Variants in DACH2 observed in about 807,000 individuals in gnomAD.
DACH2 encodes the protein dachshund homolog 2.
DACH2 carries 17 observed loss-of-function variants against 35.8 expected under a neutral mutation model. The ratio of observed to expected loss-of-function variants is 0.48; its 90% CI spans 0.33 to 0.71. DACH2 has a LOEUF of 0.71. Among genes scored for constraint, DACH2 ranks in the 30% least tolerant of loss-of-function variants. The pLI is 0.02. For missense variants in DACH2, 469 were observed against 472.7 expected, an observed-to-expected ratio of 0.99 and a Z score of 0.07; for synonymous variants, 195 against 177.3, an observed-to-expected ratio of 1.10 and a Z score of -0.79.
intron 2 of DACH2, among the ~76,000 whole-genome samples, chrX:86,418,789 A>G (rs1344829196): frequency 9.0e-6 from 1 of 111,726 alleles, no homozygotes; most frequent in African/African-American, 3.3e-5. Flanking sequence ...CTCCTTAAAA[A>G]TTAGGGTTTT....
chrX:86,295,408 C>T (rs4828140), intron 1 of DACH2, among the ~76,000 whole-genome samples: 2 of 110,754 alleles, frequency 1.8e-5, no homozygotes, highest in South Asian at 3.9e-4. Flanking sequence ...AGCTGTAGAC[C>T]GCAGCTGTTC....
chrX:86,607,028 G>T, intron 3 of DACH2, among the ~76,000 whole-genome samples: 1 of 111,348 alleles, frequency 9.0e-6, no homozygotes, highest in Non-Finnish European at 1.9e-5. Context: ...TGCTTTTTAT[G>T]GTTTCCATTA....
intron 3 of DACH2, among the ~76,000 whole-genome samples, chrX:86,583,286 G>A (rs2039525349): frequency 9.1e-6 from 1 of 110,356 alleles, no homozygotes; most frequent in Non-Finnish European, 1.9e-5. Flanking sequence ...GAAGCATTTC[G>A]TTTGAGAACT....
chrX:86,635,716 A>G (rs567092598), intron 3 of DACH2, among the ~76,000 whole-genome samples: 45 of 111,684 alleles, frequency 4.0e-4, no homozygotes, highest in African/African-American at 1.3e-3. Flanking sequence ...AAAAATTACT[A>G]ACATTCCTAT....
intron 6 of DACH2, among the ~76,000 whole-genome samples, chrX:86,729,084 G>A (rs139332008): frequency 0.011 from 1,202 of 112,292 alleles, 3 homozygotes; most frequent in Non-Finnish European, 0.017. Flanking sequence ...AGCCACAGAT[G>A]CACAACAACC....
At chrX:86,571,509 G>A (rs1172367662) in intron 3 of DACH2, among the ~76,000 whole-genome samples, 1 of 108,358 alleles carries the variant, frequency 9.2e-6, no homozygotes, top group Non-Finnish European at 1.9e-5. Flanking sequence ...CATGTGAAAT[G>A]GATGAAACTG....
chrX:86,711,705 T>C (rs1017158711), intron 5 of DACH2, among the ~76,000 whole-genome samples: 9 of 112,274 alleles, frequency 8.0e-5, no homozygotes, highest in African/African-American at 2.9e-4. Context: ...ACTGTTAAAC[T>C]GGCCTGTTAT....
At chrX:86,254,807 T>TATATATAGAGAGAG (rs1380613474) in intron 1 of DACH2, among the ~76,000 whole-genome samples, 49 of 49,638 alleles carry the variant, frequency 9.9e-4, no homozygotes, top group African/African-American at 5.0e-3. Flanking sequence ...TATATATATA[T>TATATATAGAGAGAG]AGAGAGAGAG....
At chrX:86,768,829 T>C (rs2041960351) in intron 7 of DACH2, among the ~76,000 whole-genome samples, 1 of 111,089 alleles carries the variant, frequency 9.0e-6, no homozygotes, top group Admixed American at 9.6e-5. Flanking sequence ...ATAGTGTCTA[T>C]GGTTTTCATC....
chrX:86,738,879 A>G (rs6623764), intron 6 of DACH2, among the ~76,000 whole-genome samples: 16,389 of 111,053 alleles, frequency 0.15, 1,067 homozygotes, highest in South Asian at 0.42. Context: ...TAAAATATGT[A>G]TACTTTTTTT....
At chrX:86,696,847 T>C (rs866328102) in intron 5 of DACH2, among the ~76,000 whole-genome samples, 13 of 111,395 alleles carry the variant, frequency 1.2e-4, no homozygotes, top group Non-Finnish European at 2.1e-4. Flanking sequence ...ATGATAAAAT[T>C]CCCCTCATGT....
At chrX:86,180,756 T>C (rs2031461711) in intron 1 of DACH2, among the ~76,000 whole-genome samples, 1 of 111,897 alleles carries the variant, frequency 8.9e-6, no homozygotes, top group African/African-American at 3.2e-5. Context: ...AGTCTATCTG[T>C]GTTTACAGGG....
intron 7 of DACH2, among the ~76,000 whole-genome samples, chrX:86,746,255 A>G (rs1179087172): frequency 1.8e-5 from 2 of 111,479 alleles, no homozygotes; most frequent in Admixed American, 9.6e-5. Flanking sequence ...TTCATTTCAC[A>G]TGTATATATA....
intron 3 of DACH2, among the ~76,000 whole-genome samples, chrX:86,554,593 A>G (rs1012595148): frequency 1.8e-5 from 2 of 111,846 alleles, no homozygotes; most frequent in Non-Finnish European, 3.8e-5. Context: ...TTCAATTATA[A>G]CTTGGAGAGT....
chrX:86,278,915 C>G (rs1031722317), intron 1 of DACH2, among the ~76,000 whole-genome samples: 3 of 111,978 alleles, frequency 2.7e-5, no homozygotes, highest in Non-Finnish European at 5.6e-5. Flanking sequence ...ACAGTGTAAA[C>G]AAAGCCTCCA....
At chrX:86,341,883 A>T (rs1373392429) in intron 1 of DACH2, among the ~76,000 whole-genome samples, 1 of 111,987 alleles carries the variant, frequency 8.9e-6, no homozygotes, top group Non-Finnish European at 1.9e-5. Context: ...GAGCCTGAAG[A>T]TGTGAATGAA....
At chrX:86,780,200 C>T (rs1275984007) in intron 7 of DACH2, among the ~76,000 whole-genome samples, 1 of 104,864 alleles carries the variant, frequency 9.5e-6, no homozygotes, top group Non-Finnish European at 1.9e-5. Context: ...ACCCAAAGGA[C>T]AGCAACTACA....
chrX:86,492,684 A>G (rs770288552), intron 2 of DACH2, among the ~76,000 whole-genome samples: 121 of 111,701 alleles, frequency 1.1e-3, no homozygotes, highest in African/African-American at 3.8e-3. Context: ...GCTCTCACTT[A>G]TAAGTGAGAA....
intron 2 of DACH2, among the ~76,000 whole-genome samples, chrX:86,458,266 G>A (rs928831344): frequency 3.6e-5 from 4 of 111,277 alleles, no homozygotes; most frequent in Non-Finnish European, 7.5e-5. Context: ...GCAAATGTTG[G>A]CAAAAACCTC....
Sources: gnomAD v4.1 joint callset for allele counts (sites outside exome capture counted in the v4.1 genomes callset) on GRCh38, gnomAD v4.1.1 for gene constraint, MANE v1.5 for transcripts, NCBI Gene and HGNC (gene_info 2026-07-23, HGNC 2026-07-21) for gene names.